Variants in FRMD3 observed in about 807,000 individuals in gnomAD.
FRMD3 encodes FERM domain-containing protein 3.
Under a neutral mutation model 70.2 loss-of-function variants are expected in FRMD3, and 33 were observed. The observed-to-expected ratio is 0.47, with a 90% confidence interval of 0.36 to 0.63. FRMD3 has a LOEUF of 0.63. Among genes scored for constraint, FRMD3 ranks in the 20% least tolerant of loss-of-function variants. The probability of loss-of-function intolerance (pLI) is 0.00; values close to 1 mark genes in which losing one functional copy is unlikely to be tolerated. For synonymous variants in FRMD3, 279 were observed against 255.9 expected (o/e 1.09, Z -0.86); for missense variants, 632 against 711.4 (o/e 0.89, Z 1.27).
At chr9:83,317,110 G>C (rs1835611682) in intron 6 of FRMD3, among the ~76,000 whole-genome samples, 1 of 151,460 alleles carries the variant, frequency 6.6e-6, no homozygotes, top group African/African-American at 2.4e-5. Context: ...CTGGGTGGCA[G>C]AGCAAGAAAG....
chr9:83,290,871 G>C (rs942281), intron 12 of FRMD3, 144 bp from the exon 13 acceptor site: 1 of 785,490 alleles, frequency 1.3e-6, no homozygotes, highest in Non-Finnish European at 2.0e-6. Context: ...TAAAGATGAC[G>C]TAACATTCAA....
chr9:83,377,553 T>C (rs2131268285), intron 2 of FRMD3, among the ~76,000 whole-genome samples: 1 of 152,272 alleles, frequency 6.6e-6, no homozygotes, highest in Non-Finnish European at 1.5e-5. Flanking sequence ...AGCACCTTCC[T>C]CTTGGTGCTG....
chr9:83,298,976 A>C, intron 11 of FRMD3, 136 bp downstream of exon 11: 1 of 941,112 alleles, frequency 1.1e-6, no homozygotes, highest in East Asian at 2.5e-5. Context: ...CTGTGAGCAT[A>C]AGACAGCAAT....
At chr9:83,318,071 A>C (rs1416490900) in intron 6 of FRMD3, among the ~76,000 whole-genome samples, 1 of 152,248 alleles carries the variant, frequency 6.6e-6, no homozygotes, top group East Asian at 1.9e-4. Context: ...AAATGTGCTT[A>C]GCTTCTTATG....
the FRMD3 span, among the ~76,000 whole-genome samples, chr9:83,553,384 T>C: frequency 6.6e-6 from 1 of 152,210 alleles, no homozygotes. Context: ...ACCTACACTT[T>C]CTCTCTAGCT....
At chr9:83,490,763 TTCTCTCTC>T (rs67058664) in intron 1 of FRMD3, among the ~76,000 whole-genome samples, 6,742 of 129,146 alleles carry the variant, frequency 0.052, 272 homozygotes, top group East Asian at 0.15. Flanking sequence ...TTTTACTCTC[TTCTCTCTC>T]TCTCTCTCTC....
chr9:83,516,157 T>G (rs749351708), intron 1 of FRMD3, among the ~76,000 whole-genome samples: 1 of 152,030 alleles, frequency 6.6e-6, no homozygotes, highest in Non-Finnish European at 1.5e-5. Context: ...ATGCCCCAAT[T>G]AAAAGACACA....
At chr9:83,301,242 G>T (rs1385873459) in intron 10 of FRMD3, among the ~76,000 whole-genome samples, 1 of 152,148 alleles carries the variant, frequency 6.6e-6, no homozygotes, top group Non-Finnish European at 1.5e-5. Context: ...GATGGTCCCA[G>T]CTGTGCCCTC....
At chr9:83,480,843 T>C (rs1828552529) in intron 1 of FRMD3, among the ~76,000 whole-genome samples, 1 of 152,210 alleles carries the variant, frequency 6.6e-6, no homozygotes, top group South Asian at 2.1e-4. Flanking sequence ...CAACCTATTT[T>C]ATATAAGGGA....
chr9:83,258,531 A>C (rs997997639), intron 13 of FRMD3, among the ~76,000 whole-genome samples: 1 of 152,276 alleles, frequency 6.6e-6, no homozygotes, highest in Admixed American at 6.5e-5. Context: ...ATGCCTTAAA[A>C]TGAGGATACT....
At chr9:83,292,891 C>G (rs953368519) in intron 12 of FRMD3, among the ~76,000 whole-genome samples, 19 of 152,240 alleles carry the variant, frequency 1.2e-4, no homozygotes, top group Non-Finnish European at 2.4e-4. Context: ...GGTGATCACC[C>G]ACCTTAGCCT....
At chr9:83,570,150 C>G in the FRMD3 span, among the ~76,000 whole-genome samples, 26 of 152,188 alleles carry the variant, frequency 1.7e-4, no homozygotes, top group Non-Finnish European at 3.1e-4. Flanking sequence ...TAAGTATCTA[C>G]TGTATGTCAG....
At chr9:83,530,780 A>G (rs962132343) in intron 1 of FRMD3, among the ~76,000 whole-genome samples, 2 of 152,144 alleles carry the variant, frequency 1.3e-5, no homozygotes, top group African/African-American at 4.8e-5. Context: ...TTTGAGAACC[A>G]CCTACCCTAG....
intron 8 of FRMD3, among the ~76,000 whole-genome samples, 183 bp from the exon 9 acceptor site, chr9:83,310,731 CAA>C (rs776420126): frequency 5.1e-4 from 77 of 152,234 alleles, no homozygotes; most frequent in Non-Finnish European, 4.6e-4. Context: ...ATTCTCTTCC[CAA>C]GAGAGGATCC....
intron 4 of FRMD3, among the ~76,000 whole-genome samples, chr9:83,346,172 C>T (rs1823953258): frequency 1.4e-5 from 2 of 145,318 alleles, no homozygotes; most frequent in Non-Finnish European, 3.0e-5. Context: ...AGGAAAATTG[C>T]TTGAACCCAG....
intron 1 of FRMD3, among the ~76,000 whole-genome samples, chr9:83,510,818 C>A (rs1025428482): frequency 2.6e-5 from 4 of 152,098 alleles, no homozygotes; most frequent in Admixed American, 2.6e-4. Flanking sequence ...AAAAACAAAT[C>A]TACAGTAACA....
At chr9:83,563,327 G>A in the FRMD3 span, among the ~76,000 whole-genome samples, 98 of 152,298 alleles carry the variant, frequency 6.4e-4, 1 homozygote, top group African/African-American at 2.3e-3. Context: ...TGCAGAGTGG[G>A]GGACTGTTCT....
At chr9:83,330,595 G>A (rs1446931975) in intron 6 of FRMD3, among the ~76,000 whole-genome samples, 1 of 152,222 alleles carries the variant, frequency 6.6e-6, no homozygotes, top group African/African-American at 2.4e-5. Flanking sequence ...TCTGCCATGT[G>A]TTTAGAACAG....
intron 2 of FRMD3, among the ~76,000 whole-genome samples, chr9:83,387,334 G>A (rs1289464318): frequency 6.6e-6 from 1 of 151,924 alleles, no homozygotes; most frequent in Non-Finnish European, 1.5e-5. Context: ...TCATTCTATG[G>A]GTTATAATCC....
Sources: allele counts gnomAD v4.1 joint callset (sites outside exome capture counted in the v4.1 genomes callset), GRCh38; gene constraint gnomAD v4.1.1; transcripts MANE v1.5; gene names NCBI Gene and HGNC (gene_info 2026-07-23, HGNC 2026-07-21).